Variants in AGMO observed in about 807,000 individuals in gnomAD.
AGMO encodes alkylglycerol monooxygenase.
A neutral mutation model predicts 60.2 loss-of-function variants in AGMO; 75 were observed. The observed-to-expected ratio is 1.25, with a 90% CI of 1.03 to 1.51. The LOEUF (loss-of-function observed/expected upper bound fraction) is 1.51, where lower values mean the gene tolerates loss of function less well. Ranked by LOEUF, AGMO falls within the 40% of genes most tolerant of loss-of-function variation. The probability of loss-of-function intolerance (pLI) is 0.00; values close to 1 mark genes in which losing one functional copy is unlikely to be tolerated. For missense variants in AGMO, 763 were observed against 525.5 expected, an observed-to-expected ratio of 1.45 and a Z score of -4.42; for synonymous variants, 261 against 177.1, an observed-to-expected ratio of 1.47 and a Z score of -3.76.
At chr7:15,251,508 C>T (rs955782014) in intron 12 of AGMO, among the ~76,000 whole-genome samples, 1 of 152,204 alleles carries the variant, frequency 6.6e-6, no homozygotes, top group Non-Finnish European at 1.5e-5. Context: ...ACCAGCACCA[C>T]TGGAAACAAA....
At chr7:15,393,986 A>T (rs1784259602) in intron 6 of AGMO, 127 bp downstream of exon 6, 1 of 703,720 alleles carries the variant, frequency 1.4e-6, no homozygotes, top group South Asian at 1.7e-5. Flanking sequence ...GAAAAGAAGA[A>T]ACTATTATTT....
intron 12 of AGMO, among the ~76,000 whole-genome samples, chr7:15,365,052 A>T (rs1484548922): frequency 6.6e-6 from 1 of 152,036 alleles, no homozygotes; most frequent in Non-Finnish European, 1.5e-5. Context: ...TCAGCTGTAG[A>T]AAAATCCCAC....
intron 12 of AGMO, among the ~76,000 whole-genome samples, chr7:15,233,005 G>T (rs76652979): frequency 0.019 from 2,852 of 152,148 alleles, 97 homozygotes; most frequent in African/African-American, 0.066. Context: ...AATATAAAAT[G>T]ATTGCATAGA....
intron 2 of AGMO, among the ~76,000 whole-genome samples, chr7:15,546,651 T>C (rs915232087): frequency 1.3e-5 from 2 of 152,212 alleles, no homozygotes; most frequent in African/African-American, 4.8e-5. Flanking sequence ...GTGAGGTCCC[T>C]CCTGGGGCAG....
intron 2 of AGMO, among the ~76,000 whole-genome samples, chr7:15,548,526 G>A (rs572028924): frequency 2.6e-5 from 4 of 152,020 alleles, no homozygotes; most frequent in African/African-American, 9.7e-5. Flanking sequence ...AATGCAGAAG[G>A]CTCAGGAGCC....
At chr7:15,182,831 G>T in the AGMO span, among the ~76,000 whole-genome samples, 4 of 152,198 alleles carry the variant, frequency 2.6e-5, no homozygotes, top group East Asian at 7.7e-4. Flanking sequence ...AGGCTGTAGG[G>T]AGCATAGTGG....
At chr7:15,166,418 G>A in the AGMO span, among the ~76,000 whole-genome samples, 2 of 152,268 alleles carry the variant, frequency 1.3e-5, no homozygotes, top group African/African-American at 4.8e-5. Context: ...AGAGTGGGGA[G>A]GGAGAGAGTA....
At chr7:15,304,290 C>A (rs552680583) in intron 12 of AGMO, among the ~76,000 whole-genome samples, 2 of 152,060 alleles carry the variant, frequency 1.3e-5, no homozygotes, top group Non-Finnish European at 2.9e-5. Context: ...CCAGCTCTCT[C>A]GATCCCCTCA....
chr7:15,390,519 G>T (rs1784093455), intron 8 of AGMO, 152 bp downstream of exon 8: 5 of 503,276 alleles, frequency 9.9e-6, no homozygotes, highest in African/African-American at 6.0e-5. Context: ...TTTTGCTTGT[G>T]TAACAAAGAG....
At chr7:15,142,448 T>C in the AGMO span, among the ~76,000 whole-genome samples, 9 of 152,192 alleles carry the variant, frequency 5.9e-5, no homozygotes, top group African/African-American at 2.2e-4. Flanking sequence ...GGTTTTCTAG[T>C]GATAAAGGAG....
chr7:15,277,495 C>T (rs1356100823), intron 12 of AGMO, among the ~76,000 whole-genome samples: 1 of 151,906 alleles, frequency 6.6e-6, no homozygotes, highest in African/African-American at 2.4e-5. Context: ...GAGAAGCTGA[C>T]ACTTCTTGCT....
At chr7:15,504,399 G>A (rs1783458731) in intron 3 of AGMO, among the ~76,000 whole-genome samples, 2 of 151,942 alleles carry the variant, frequency 1.3e-5, no homozygotes, top group Admixed American at 6.6e-5. Flanking sequence ...TGCGTATTAA[G>A]AAGCAAGCCT....
chr7:15,476,754 T>C (rs961254233), intron 3 of AGMO, among the ~76,000 whole-genome samples: 4 of 152,084 alleles, frequency 2.6e-5, no homozygotes, highest in African/African-American at 9.7e-5. Context: ...CTCCAAATAT[T>C]ATGAAACACG....
chr7:15,203,491 T>C (rs1583288967), intron 12 of AGMO, among the ~76,000 whole-genome samples: 1 of 152,136 alleles, frequency 6.6e-6, no homozygotes, highest in Non-Finnish European at 1.5e-5. Flanking sequence ...ATTTTTTTTT[T>C]CTTTTCTTTT....
chr7:15,399,217 G>T (rs1478028418), intron 5 of AGMO, among the ~76,000 whole-genome samples: 5 of 152,068 alleles, frequency 3.3e-5, no homozygotes, highest in Admixed American at 6.6e-5. Flanking sequence ...CCATGAAGGG[G>T]TTCAGAAAGT....
At chr7:15,547,475 C>G (rs578053097) in intron 2 of AGMO, among the ~76,000 whole-genome samples, 1,606 of 151,708 alleles carry the variant, frequency 0.011, 24 homozygotes, top group African/African-American at 0.037. Context: ...GTGCGCGAGC[C>G]GAAGCAGGGC....
chr7:15,494,331 C>T (rs1361973906), intron 3 of AGMO, among the ~76,000 whole-genome samples: 1 of 152,126 alleles, frequency 6.6e-6, no homozygotes, highest in African/African-American at 2.4e-5. Context: ...GAATTTCATA[C>T]CAGATCTAGA....
At chr7:15,356,279 GA>G (rs910792619) in intron 12 of AGMO, among the ~76,000 whole-genome samples, 3 of 151,486 alleles carry the variant, frequency 2.0e-5, no homozygotes, top group African/African-American at 4.8e-5. Flanking sequence ...CATTGCAATA[GA>G]AAAAAATAGA....
At chr7:15,123,599 A>G in the AGMO span, among the ~76,000 whole-genome samples, 12 of 152,136 alleles carry the variant, frequency 7.9e-5, no homozygotes, top group South Asian at 2.1e-4. Flanking sequence ...TAATGTATAA[A>G]TAGCTACTCC....
Sources: gnomAD v4.1 joint callset for allele counts (sites outside exome capture counted in the v4.1 genomes callset) on GRCh38, gnomAD v4.1.1 for gene constraint, MANE v1.5 for transcripts, NCBI Gene and HGNC (gene_info 2026-07-23, HGNC 2026-07-21) for gene names.